XKR4: variants seen among roughly 807,000 people sequenced by gnomAD.
The protein encoded by XKR4 is XK related 4.
In XKR4, 12 loss-of-function variants were observed where a neutral mutation model predicts 53.9. The ratio of observed to expected loss-of-function variants is 0.22; its 90% CI spans 0.14 to 0.36. XKR4 has a LOEUF of 0.36. XKR4 is among the 10% of genes least tolerant of loss of function. The pLI is 1.00. For missense variants in XKR4, 799 were observed against 859.5 expected, an observed-to-expected ratio of 0.93 and a Z score of 0.88; for synonymous variants, 354 against 362.4, an observed-to-expected ratio of 0.98 and a Z score of 0.26.
intron 1 of XKR4, among the ~76,000 whole-genome samples, chr8:55,126,710 A>G (rs141745324): frequency 1.7e-3 from 262 of 152,336 alleles, no homozygotes; most frequent in African/African-American, 5.8e-3. Context: ...TTTGTCAATT[A>G]CAGCTAAATT....
In XKR4 at chr8:55,524,289, A is replaced by G; in HGVS notation, c.*62A>G. On this transcript the variant is annotated 3_prime_UTR_variant, in exon 3 of 3. Transcript: ENST00000327381. ...AAGGGGTGACAGCAGGGCTGTGGCCATAATGACACTTCATCCTAGAGCAGG... is the reference window on the plus strand; with the variant it reads ...AAGGGGTGACAGCAGGGCTGTGGCCGTAATGACACTTCATCCTAGAGCAGG... 1.4e-6 allele frequency: 2 copies of G among 1,481,056 alleles called. No homozygotes were observed. The highest frequency in any genetic ancestry group is 1.8e-6 in the Non-Finnish European group (2 of 1,084,922). The allele number at this position is 1,481,056 out of a possible 1,614,324, so 91.7% of individuals were successfully genotyped here. A position where few individuals can be genotyped will look rare whatever the true frequency, so the allele number is the denominator to read the frequency against.
chr8:55,418,411 G>A (rs1804880455), intron 2 of XKR4, among the ~76,000 whole-genome samples: 1 of 152,176 alleles, frequency 6.6e-6, no homozygotes, highest in Non-Finnish European at 1.5e-5. Flanking sequence ...AGATTTCTCT[G>A]TATGTTTTAC....
chr8:55,350,707 T>C (rs973848518), intron 1 of XKR4, among the ~76,000 whole-genome samples: 2 of 151,390 alleles, frequency 1.3e-5, no homozygotes, highest in African/African-American at 2.4e-5. Context: ...TTAGTGGATA[T>C]AGAGATTATG....
At chr8:55,427,653 G>A (rs1805037208) in intron 2 of XKR4, among the ~76,000 whole-genome samples, 1 of 152,210 alleles carries the variant, frequency 6.6e-6, no homozygotes, top group Non-Finnish European at 1.5e-5. Context: ...CTGTGTAATT[G>A]TCCATATTTA....
intron 1 of XKR4, among the ~76,000 whole-genome samples, chr8:55,262,119 A>T (rs1818534855): frequency 6.6e-6 from 1 of 152,210 alleles, no homozygotes; most frequent in Non-Finnish European, 1.5e-5. Context: ...TGGAGAATAT[A>T]GATGTAAATA....
chr8:55,456,443 A>C (rs1192821203), intron 2 of XKR4, among the ~76,000 whole-genome samples: 5 of 152,182 alleles, frequency 3.3e-5, no homozygotes, highest in Non-Finnish European at 7.3e-5. Context: ...AAAAGAAAAA[A>C]AAGAAGAAAG....
chr8:55,348,691 T>TAAACACACACACAC (rs1554519701), intron 1 of XKR4, among the ~76,000 whole-genome samples: 99 of 136,196 alleles, frequency 7.3e-4, no homozygotes, highest in African/African-American at 2.4e-3. Flanking sequence ...CAGACAAACA[T>TAAACACACACACAC]ACACACACAC....
At position 55,102,668 on chromosome 8, in the gene XKR4, C is replaced by T. The variant is rs754452668; in HGVS notation, c.180C>T (p.Gly60=). The change falls in exon 1 of 3, where the codon GGC becomes GGT. Residue 60 remains glycine (G), a synonymous_variant. Transcript: ENST00000327381. The surrounding 1 kb of genome is among the most constrained non-coding windows in gnomAD (Gnocchi z 5.1). ...GCGGCTGCTGCCCGGACGGCGGCGGCTGCTCGCGCTGCTGCTGCTGCTGCG... is the reference window on the plus strand; with the variant it reads ...GCGGCTGCTGCCCGGACGGCGGCGGTTGCTCGCGCTGCTGCTGCTGCTGCG... ...AGGGCCPDGG[G]CSRCCCCCAG... is the part of the protein sequence containing the mutation. The T allele has an allele frequency of 2.4e-6, 3 of 1,235,544 alleles. No individual in the cohort carries two copies. The highest frequency in any genetic ancestry group is 1.6e-5 in the African/African-American group (1 of 63,162). 76.5% of individuals were successfully genotyped at this position (1,235,544 alleles called of 1,614,324 possible).
intron 1 of XKR4, among the ~76,000 whole-genome samples, chr8:55,232,985 C>T (rs1818064867): frequency 6.6e-6 from 1 of 152,150 alleles, no homozygotes; most frequent in Non-Finnish European, 1.5e-5. Flanking sequence ...ATTTGCTGCC[C>T]ACTGTAAGTG....
chr8:55,453,031 T>A, intron 2 of XKR4: 1 of 627,476 alleles, frequency 1.6e-6, no homozygotes, highest in Non-Finnish European at 3.1e-6. Flanking sequence ...TCTCTCATCC[T>A]CCTGGGAAGG....
intron 2 of XKR4, among the ~76,000 whole-genome samples, chr8:55,487,209 G>C (rs1286900448): frequency 2.0e-5 from 3 of 152,158 alleles, no homozygotes; most frequent in Admixed American, 6.5e-5. Context: ...GTAAGTCTTA[G>C]AGTCTGAAGG....
chr8:55,168,715 A>G (rs1034003244), intron 1 of XKR4, among the ~76,000 whole-genome samples: 2 of 152,068 alleles, frequency 1.3e-5, no homozygotes, highest in African/African-American at 4.8e-5. Flanking sequence ...TCATCCTTAT[A>G]CTTTTAGAGA....
At chr8:55,241,924 A>C (rs973055353) in intron 1 of XKR4, among the ~76,000 whole-genome samples, 2 of 152,338 alleles carry the variant, frequency 1.3e-5, no homozygotes, top group South Asian at 2.1e-4. Context: ...AGCAACAGCA[A>C]GATGACAATA....
At chr8:55,254,195 T>G (rs563367341) in intron 1 of XKR4, among the ~76,000 whole-genome samples, 28 of 152,116 alleles carry the variant, frequency 1.8e-4, no homozygotes, top group South Asian at 1.0e-3. Flanking sequence ...GAGATATATA[T>G]AGAGAGAGAG....
intron 1 of XKR4, among the ~76,000 whole-genome samples, chr8:55,350,577 A>C (rs1012677734): frequency 2.0e-5 from 3 of 152,184 alleles, no homozygotes; most frequent in Non-Finnish European, 2.9e-5. Flanking sequence ...TTCCACTTAT[A>C]TCCAGAGAAG....
intron 1 of XKR4, among the ~76,000 whole-genome samples, chr8:55,293,044 A>G (rs955115271): frequency 1.5e-4 from 23 of 152,094 alleles, no homozygotes; most frequent in African/African-American, 5.3e-4. Flanking sequence ...TTTAAAATCC[A>G]TATAGTTTGG....
chr8:55,207,778 G>T (rs550276028), intron 1 of XKR4, among the ~76,000 whole-genome samples: 1 of 121,438 alleles, frequency 8.2e-6, no homozygotes, highest in Non-Finnish European at 1.8e-5. Flanking sequence ...GGGGGAGAGG[G>T]AGTGGGGAGG....
rs550563168 is a variant in XKR4 at position 55,102,446 on chromosome 8, A to G, written c.-43A>G. On this transcript the variant is annotated 5_prime_UTR_variant, in exon 1 of 3. Coordinates refer to ENST00000327381, the MANE Select transcript of XKR4 (RefSeq NM_052898.2). This position sits in a 1 kb window ranked among gnomAD's most constrained non-coding sequence, Gnocchi z 5.1. Reference sequence around the variant, plus strand: ...GGCGGGAGGAGGAGACAGCGGGGAAAGGTGTCAGATAAAGGAGGGCTCTCC... The same window carrying G: ...GGCGGGAGGAGGAGACAGCGGGGAAGGGTGTCAGATAAAGGAGGGCTCTCC... The G allele has an allele frequency of 3.3e-6, 5 of 1,520,066 alleles. No individual in the cohort carries two copies. In the African/African-American group the frequency reaches 5.8e-5, roughly 18 times the overall value. The allele number at this position is 1,520,066 out of a possible 1,614,324, so 94.2% of individuals were successfully genotyped here. A position where few individuals can be genotyped will look rare whatever the true frequency, so the allele number is the denominator to read the frequency against.
At position 55,509,609 on chromosome 8, in the gene XKR4, T is replaced by C. The variant is rs1367767855; in HGVS notation, c.1007-13672T>C. On this transcript the variant is annotated intron_variant, in intron 2 of 2. Coordinates refer to ENST00000327381, the MANE Select transcript of XKR4 (RefSeq NM_052898.2). Reference sequence around the variant, plus strand: ...TCTCTATAATCATCCATGACAAATATGGAAGTAATTTACATTAGCTGGTGA... The same window carrying C: ...TCTCTATAATCATCCATGACAAATACGGAAGTAATTTACATTAGCTGGTGA... Among the ~76,000 whole-genome samples the C allele has an allele frequency of 2.6e-5, 4 of 152,314 alleles. No homozygotes were observed. The East Asian group carries it at 7.7e-4, about 29-fold the overall frequency.
Sources: allele counts gnomAD v4.1 joint callset (sites outside exome capture counted in the v4.1 genomes callset), GRCh38; gene constraint gnomAD v4.1.1; non-coding constraint Gnocchi (gnomAD v3.1); transcripts MANE v1.5; gene names NCBI Gene and HGNC (gene_info 2026-07-23, HGNC 2026-07-21).